Variants in PCSK2 observed in about 807,000 individuals in gnomAD.
PCSK2 encodes the protein proprotein convertase subtilisin/kexin type 2.
PCSK2 carries 14 observed loss-of-function variants against 69.7 expected under a neutral mutation model. The observed-to-expected ratio is 0.20, with a 90% confidence interval of 0.13 to 0.31. The LOEUF (loss-of-function observed/expected upper bound fraction) is 0.31. Among genes scored for constraint, PCSK2 ranks in the 10% least tolerant of loss-of-function variants. The probability of loss-of-function intolerance (pLI) is 1.00; values close to 1 mark genes in which losing one functional copy is unlikely to be tolerated. For missense variants in PCSK2, 544 were observed against 842.5 expected, an observed-to-expected ratio of 0.65 and a Z score of 4.39; for synonymous variants, 307 against 320.7, an observed-to-expected ratio of 0.96 and a Z score of 0.46.
rs1459706349 is a variant in PCSK2, at chr20:17,456,434, G to A, written c.1188G>A (p.Leu396=). Residue 396 remains leucine, a synonymous_variant, in exon 10 of 12, where the codon CTG becomes CTA. Transcript: ENST00000262545. ...CCGAGGCAGCTGGTGTGTTTGCACT[G>A]GCTCTGGAGGCTAAGTATGTTCATA... ...AAPEAAGVFA[L]ALEANLGLTW... The A allele has an allele frequency of 1.9e-6, 3 of 1,592,144 alleles. No individual in the cohort carries two copies. Among genetic ancestry groups the A allele is most frequent in the South Asian group, 1.1e-5 (1 of 90,630 alleles).
intron 11 of PCSK2, chr20:17,479,012 T>C (rs1194146381): frequency 1.6e-5 from 14 of 868,990 alleles, no homozygotes; most frequent in African/African-American, 3.4e-5. Flanking sequence ...AGCACACTAA[T>C]AAATAACTAT....
At position 17,453,348 on chromosome 20, in the gene PCSK2, T is replaced by A. The variant is rs1456237040; in HGVS notation, c.886-394T>A. On this transcript the variant is annotated intron_variant, in intron 8 of 11. Transcript: ENST00000262545. The surrounding 1 kb of genome is among the most constrained non-coding windows in gnomAD (Gnocchi z 4.0). ...AAAAAATGTCTGATACATAAAGAGA[T>A]GTAAGAATGAGATAATAATTACCTC... Among the ~76,000 whole-genome samples, 1 of 152,204 alleles carries A rather than the reference T, an allele frequency of 6.6e-6. No individual in the cohort carries two copies. The highest frequency in any genetic ancestry group is 6.5e-5 in the Admixed American group (1 of 15,284).
chr20:17,245,146 T>G (rs1339158892), intron 1 of PCSK2, among the ~76,000 whole-genome samples: 2 of 152,138 alleles, frequency 1.3e-5, no homozygotes, highest in Non-Finnish European at 2.9e-5. Context: ...ATTCTCACCC[T>G]CAGAGTCTCT....
At chr20:17,318,925 G>A (rs1989777486) in intron 2 of PCSK2, among the ~76,000 whole-genome samples, 1 of 152,186 alleles carries the variant, frequency 6.6e-6, no homozygotes, top group African/African-American at 2.4e-5. Context: ...AATCAGAAAT[G>A]GGGGAATAAG....
chr20:17,417,825 G>A (rs1165321545), intron 6 of PCSK2, among the ~76,000 whole-genome samples: 3 of 152,158 alleles, frequency 2.0e-5, no homozygotes, highest in African/African-American at 7.2e-5. Flanking sequence ...CTGAAGTATA[G>A]AGGCAATAAA....
intron 2 of PCSK2, among the ~76,000 whole-genome samples, chr20:17,334,522 G>T (rs148317720): frequency 2.6e-5 from 4 of 152,016 alleles, no homozygotes; most frequent in African/African-American, 9.7e-5. Flanking sequence ...GGATTCTTAC[G>T]GGGGGGCAAT....
intron 2 of PCSK2, among the ~76,000 whole-genome samples, chr20:17,312,156 T>C (rs913680646): frequency 3.9e-5 from 6 of 152,194 alleles, no homozygotes; most frequent in Non-Finnish European, 7.3e-5. Flanking sequence ...GTTTAGAGAC[T>C]AGATTTTTAT....
intron 8 of PCSK2, among the ~76,000 whole-genome samples, chr20:17,438,320 A>G (rs769572681): frequency 1.3e-5 from 2 of 152,224 alleles, no homozygotes; most frequent in African/African-American, 4.8e-5. Flanking sequence ...TTATACATTG[A>G]TAACACTAAA....
At chr20:17,239,861 TTTTTTTTTTG>T (rs1445910144) in intron 1 of PCSK2, among the ~76,000 whole-genome samples, 1 of 135,750 alleles carries the variant, frequency 7.4e-6, no homozygotes, top group Admixed American at 7.3e-5. Flanking sequence ...TTTTTTTTTT[TTTTTTTTTTG>T]TGAGATGAAG....
intron 2 of PCSK2, among the ~76,000 whole-genome samples, chr20:17,325,007 C>A (rs919993016): frequency 2.6e-5 from 4 of 152,140 alleles, no homozygotes; most frequent in Non-Finnish European, 5.9e-5. Flanking sequence ...CTCTTCTGCC[C>A]AGTCAAACTC....
chr20:17,293,563 T>C (rs1410682885), intron 2 of PCSK2, among the ~76,000 whole-genome samples: 2 of 152,236 alleles, frequency 1.3e-5, no homozygotes, highest in African/African-American at 2.4e-5. Flanking sequence ...ACTTGAAACA[T>C]GTATCCACAT....
chr20:17,417,702 C>T (rs6131946), intron 6 of PCSK2, among the ~76,000 whole-genome samples: 1 of 152,094 alleles, frequency 6.6e-6, no homozygotes, highest in Non-Finnish European at 1.5e-5. Context: ...TAAAGCGTCC[C>T]TTCCATGAGT....
chr20:17,303,555 ATATATTATATAATATAT>A (rs1989225177), intron 2 of PCSK2, among the ~76,000 whole-genome samples: 1 of 58,508 alleles, frequency 1.7e-5, no homozygotes, highest in Non-Finnish European at 3.4e-5. Context: ...ATGATATAAT[ATATATTATATAATATAT>A]TAAAAATATA....
rs1568593886 is a variant in PCSK2, at chr20:17,303,529, TTA to T, written c.282+43189_282+43190del. On this transcript the variant is annotated intron_variant, in intron 2 of 11. Transcript: ENST00000262545. The stretch of plus-strand genomic sequence containing the variant: ...TATATTATATATAATATAATATATA[TTA>T]TATTATATATAATATGATATAATAT... 8.9e-4 allele frequency among the ~76,000 whole-genome samples: 37 copies of T among 41,698 alleles called. No homozygotes were observed. The East Asian group carries it at 0.015, about 17-fold the overall frequency. 27.4% of individuals were successfully genotyped at this position (41,698 alleles called of 152,430 possible). A position where few individuals can be genotyped will look rare whatever the true frequency, so the allele number is the denominator to read the frequency against.
intron 1 of PCSK2, among the ~76,000 whole-genome samples, chr20:17,240,317 C>T (rs1986517515): frequency 6.6e-6 from 1 of 152,032 alleles, no homozygotes; most frequent in Admixed American, 6.5e-5. Context: ...ACTACAGGCC[C>T]CTCTGACAGT....
chr20:17,295,378 C>T (rs1053307781), intron 2 of PCSK2, among the ~76,000 whole-genome samples: 7 of 152,152 alleles, frequency 4.6e-5, no homozygotes, highest in South Asian at 2.1e-4. Flanking sequence ...ACTCTACCAC[C>T]GTGCAATACC....
At position 17,375,994 on chromosome 20, in the gene PCSK2, G is replaced by A. The variant is rs556316465; in HGVS notation, c.543+6717G>A. Among the ~76,000 whole-genome samples the A allele has an allele frequency of 5.3e-5, 8 of 152,286 alleles. No homozygotes were observed. The East Asian group carries it at 1.4e-3, about 26-fold the overall frequency. On this transcript the variant is annotated intron_variant, in intron 5 of 11. Coordinates refer to ENST00000262545, the MANE Select transcript of PCSK2 (RefSeq NM_002594.5). ...AATAGAATAATCTAGAACTGACAGT[G>A]CCAGTTTGGAGCCTAGGCCTTAAGA...
At chr20:17,442,099 G>T (rs1006153012) in intron 8 of PCSK2, among the ~76,000 whole-genome samples, 14 of 151,814 alleles carry the variant, frequency 9.2e-5, no homozygotes, top group Non-Finnish European at 2.9e-5. Flanking sequence ...AGGCAGAGGG[G>T]CTGGGGATGC....
chr20:17,365,210 T>A (rs1168250693), intron 4 of PCSK2, among the ~76,000 whole-genome samples: 1 of 152,168 alleles, frequency 6.6e-6, no homozygotes, highest in South Asian at 2.1e-4. Flanking sequence ...TGCTCCATCC[T>A]GTGGAGGGGA....
Sources: allele counts gnomAD v4.1 joint callset (sites outside exome capture counted in the v4.1 genomes callset), GRCh38; gene constraint gnomAD v4.1.1; non-coding constraint Gnocchi (gnomAD v3.1); transcripts MANE v1.5; gene names NCBI Gene and HGNC (gene_info 2026-07-23, HGNC 2026-07-21).